Variants in RBFOX1 observed in about 807,000 individuals in gnomAD.
RBFOX1 encodes RNA binding fox-1 homolog 1.
RBFOX1 carries 8 observed loss-of-function variants against 57.7 expected under a neutral mutation model. The ratio of observed to expected loss-of-function variants is 0.14; its 90% CI spans 0.08 to 0.25. RBFOX1 has a LOEUF of 0.25. RBFOX1 is among the 10% of genes least tolerant of loss of function. RBFOX1 has a pLI of 1.00. For synonymous variants in RBFOX1, 326 were observed against 222.4 expected (o/e 1.47, Z -4.15); for missense variants, 611 against 548.5 (o/e 1.11, Z -1.14).
chr16:6,146,206 C>T (rs2096756967), intron 1 of RBFOX1, among the ~76,000 whole-genome samples: 1 of 152,116 alleles, frequency 6.6e-6, no homozygotes, highest in South Asian at 2.1e-4. Context: ...GCAGGAGAAG[C>T]CAGGAGAGAC....
chr16:7,706,376 G>A (rs2082444070), intron 14 of RBFOX1, among the ~76,000 whole-genome samples: 2 of 152,152 alleles, frequency 1.3e-5, no homozygotes, highest in Non-Finnish European at 2.9e-5. Flanking sequence ...TTTTCCTTCT[G>A]CCTTGGAAGA....
chr16:6,556,405 G>A (rs1463354833), intron 2 of RBFOX1, among the ~76,000 whole-genome samples: 1 of 152,178 alleles, frequency 6.6e-6, no homozygotes, highest in Admixed American at 6.5e-5. Context: ...AATGTTGAAT[G>A]TGGTGAATAA....
At chr16:7,441,480 C>G (rs183085417) in intron 4 of RBFOX1, among the ~76,000 whole-genome samples, 359 of 152,282 alleles carry the variant, frequency 2.4e-3, no homozygotes, top group Middle Eastern at 6.8e-3. Context: ...GCCAGCGTCA[C>G]TGGGTAGTGG....
chr16:7,338,539 C>G (rs2096835699), intron 4 of RBFOX1, among the ~76,000 whole-genome samples: 1 of 152,096 alleles, frequency 6.6e-6, no homozygotes, highest in Non-Finnish European at 1.5e-5. Flanking sequence ...CAGACATGTA[C>G]CACTATGCTC....
intron 4 of RBFOX1, among the ~76,000 whole-genome samples, chr16:5,886,040 C>G (rs1325223887): frequency 1.3e-5 from 2 of 152,162 alleles, no homozygotes; most frequent in Non-Finnish European, 2.9e-5. Flanking sequence ...TCTCCCTTCA[C>G]TCCCTCTTTC....
chr16:6,668,243 A>G (rs966198739), intron 3 of RBFOX1, among the ~76,000 whole-genome samples: 6 of 152,178 alleles, frequency 3.9e-5, no homozygotes, highest in Non-Finnish European at 1.5e-5. Context: ...CACCTTGTTG[A>G]TGAGGAGTCT....
At chr16:5,680,996 A>G (rs1169716617) in intron 3 of RBFOX1, among the ~76,000 whole-genome samples, 3 of 152,116 alleles carry the variant, frequency 2.0e-5, no homozygotes, top group Non-Finnish European at 4.4e-5. Context: ...GTGCCATAAA[A>G]GAAAGAAGGT....
intron 4 of RBFOX1, among the ~76,000 whole-genome samples, chr16:7,174,692 A>G (rs2081318824): frequency 6.6e-6 from 1 of 152,220 alleles, no homozygotes; most frequent in Admixed American, 6.5e-5. Context: ...AGGCAGGAGA[A>G]TCACTTGAAC....
intron 3 of RBFOX1, among the ~76,000 whole-genome samples, chr16:6,954,528 A>G: frequency 6.6e-6 from 1 of 152,160 alleles, no homozygotes; most frequent in East Asian, 1.9e-4. Context: ...AGTTGGGATA[A>G]AATACATGCC....
At chr16:5,656,141 A>G (rs2049422303) in intron 3 of RBFOX1, among the ~76,000 whole-genome samples, 1 of 152,222 alleles carries the variant, frequency 6.6e-6, no homozygotes, top group Non-Finnish European at 1.5e-5. Flanking sequence ...GCTTAGGGAA[A>G]GCTGGATTCC....
intron 4 of RBFOX1, among the ~76,000 whole-genome samples, chr16:7,209,435 T>C (rs2090673028): frequency 1.3e-5 from 2 of 152,156 alleles, no homozygotes; most frequent in South Asian, 4.1e-4. Context: ...TTACTTACCT[T>C]TTTAAAAGCC....
chr16:7,176,053 C>T (rs1332851458), intron 4 of RBFOX1, among the ~76,000 whole-genome samples: 2 of 151,788 alleles, frequency 1.3e-5, no homozygotes, highest in Admixed American at 6.6e-5. Context: ...AGATGGACCT[C>T]AGCCAATAGC....
intron 1 of RBFOX1, among the ~76,000 whole-genome samples, chr16:6,144,679 G>A (rs1199325096): frequency 1.3e-5 from 2 of 152,342 alleles, no homozygotes; most frequent in African/African-American, 4.8e-5. Flanking sequence ...GCACGATGCT[G>A]TCAGCTTTTC....
At chr16:5,879,936 T>C (rs1400214362) in intron 4 of RBFOX1, among the ~76,000 whole-genome samples, 6 of 152,182 alleles carry the variant, frequency 3.9e-5, no homozygotes, top group Non-Finnish European at 7.3e-5. Context: ...CTACTCACAG[T>C]CCGCCAGCTA....
chr16:7,252,388 G>T lies in RBFOX1; in HGVS notation c.27+200290G>T, dbSNP rs920621543. The stretch of plus-strand genomic sequence containing the variant: ...ATTACAAGTAAAGGTTACACATCTG[G>T]CTGGGGCAGAGGTCTTCAACTGACA... On this transcript the variant is annotated intron_variant, in intron 4 of 15. Coordinates refer to ENST00000550418, the MANE Select transcript of RBFOX1 (RefSeq NM_018723.4). Among the ~76,000 whole-genome samples the T allele has an allele frequency of 5.3e-5, 8 of 152,220 alleles. 1 individual carries two copies. The East Asian group carries it at 1.3e-3, about 26-fold the overall frequency.
At chr16:6,801,999 T>C (rs1369881816) in intron 3 of RBFOX1, among the ~76,000 whole-genome samples, 1 of 152,114 alleles carries the variant, frequency 6.6e-6, no homozygotes, top group Non-Finnish European at 1.5e-5. Flanking sequence ...GTGCTAATCA[T>C]GGAGGTTGGG....
chr16:6,269,609 T>C (rs2074962732), intron 1 of RBFOX1, among the ~76,000 whole-genome samples: 1 of 152,156 alleles, frequency 6.6e-6, no homozygotes, highest in Non-Finnish European at 1.5e-5. Flanking sequence ...AGAAAATACT[T>C]GTCAACTCAG....
rs769993037 is a variant in RBFOX1, at chr16:6,534,405, T to G, written c.-63-120198T>G. ...TGGCCTATGGGGATGGAATTCAGGA[T>G]AGTGATTGTCTTTCACCCGCTAAGA... On this transcript the variant is annotated intron_variant, in intron 2 of 15. Transcript: ENST00000550418. 2.6e-5 allele frequency among the ~76,000 whole-genome samples: 4 copies of G among 152,142 alleles called. No homozygotes were observed. The South Asian group carries it at 8.3e-4, about 32-fold the overall frequency.
At chr16:6,854,201 G>A (rs190099020) in intron 3 of RBFOX1, among the ~76,000 whole-genome samples, 261 of 152,248 alleles carry the variant, frequency 1.7e-3, no homozygotes, top group Non-Finnish European at 2.4e-3. Context: ...TTTAGACAGA[G>A]CTTGCATTCA....
Sources: allele counts gnomAD v4.1 joint callset (sites outside exome capture counted in the v4.1 genomes callset), GRCh38; gene constraint gnomAD v4.1.1; transcripts MANE v1.5; gene names NCBI Gene and HGNC (gene_info 2026-07-23, HGNC 2026-07-21).